The following RBPJ variants were observed in gnomAD, a reference collection of about 807,000 sequenced individuals.
RBPJ encodes recombining binding protein suppressor of hairless.
RBPJ carries 9 observed loss-of-function variants against 67.8 expected under a neutral mutation model. The observed-to-expected ratio is 0.13, with a 90% CI of 0.08 to 0.23. The LOEUF (loss-of-function observed/expected upper bound fraction) is 0.23, where lower values mean the gene tolerates loss of function less well. Ranked by LOEUF, RBPJ falls within the 10% of genes least tolerant of loss-of-function variation. The pLI, the probability that RBPJ is intolerant of heterozygous loss-of-function variation, is 1.00. For synonymous variants in RBPJ, 198 were observed against 203.3 expected, an observed-to-expected ratio of 0.97 and a Z score of 0.22; for missense variants, 305 against 595.6, an observed-to-expected ratio of 0.51 and a Z score of 5.08.
At position 26,251,847 on chromosome 4, in the gene RBPJ, CAAAAAAAAA is replaced by C. The variant is rs769291407; in HGVS notation, c.-167+88250_-167+88258del. Among the ~76,000 whole-genome samples the C allele has an allele frequency of 1.0e-3, 50 of 49,462 alleles. 1 individual carries two copies. Among genetic ancestry groups the C allele is most frequent in the Non-Finnish European group, 8.3e-4 (23 of 27,738 alleles). 32.4% of individuals were successfully genotyped at this position (49,462 alleles called of 152,430 possible). A position where few individuals can be genotyped will look rare whatever the true frequency, so the allele number is the denominator to read the frequency against. On this transcript the variant is annotated intron_variant, in intron 1 of 4. Coordinates refer to the RBPJ transcript ENST00000512351. ...TGGGTGACAGAGCGAGACTCCGTCT[CAAAAAAAAA>C]AAAAAAAAAAAAAAAAGAAGAGGAG...
At chr4:26,109,425 CCTCTCTCTCTCTCTCTCTCTCTCT>C in the RBPJ span, among the ~76,000 whole-genome samples, 1 of 22,892 alleles carries the variant, frequency 4.4e-5, no homozygotes, top group African/African-American at 2.3e-4. Flanking sequence ...TCTCTCTCTC[CCTCTCTCTCTCTCTCTCTCTCTCT>C]CTCTCTCTCT....
the RBPJ span, among the ~76,000 whole-genome samples, chr4:26,125,901 G>C: frequency 6.6e-6 from 1 of 152,086 alleles, no homozygotes; most frequent in African/African-American, 2.4e-5. Context: ...AATGCAGCTG[G>C]AGAGGCAGCA....
chr4:26,178,446 A>T (rs1238136583), intron 1 of RBPJ, among the ~76,000 whole-genome samples: 1 of 152,076 alleles, frequency 6.6e-6, no homozygotes, highest in African/African-American at 2.4e-5. Context: ...GTCTGTACAA[A>T]AATTTTTTTT....
At chr4:26,283,523 C>A (rs777279370) in intron 1 of RBPJ, among the ~76,000 whole-genome samples, 1 of 151,326 alleles carries the variant, frequency 6.6e-6, no homozygotes, top group Non-Finnish European at 1.5e-5. Context: ...CCAGCCTGGG[C>A]TATAGAAGGA....
At chr4:26,386,844 A>T (rs1235407906) in intron 2 of RBPJ, among the ~76,000 whole-genome samples, 1 of 152,232 alleles carries the variant, frequency 6.6e-6, no homozygotes, top group Non-Finnish European at 1.5e-5. Flanking sequence ...TTAATTATGA[A>T]TGTTGAAAGT....
chr4:26,362,364 A>C (rs1184768378), intron 1 of RBPJ: 9 of 747,966 alleles, frequency 1.2e-5, no homozygotes, highest in Non-Finnish European at 1.5e-5. Flanking sequence ...TGTTTTTCTT[A>C]GTCATGGCAG....
chr4:26,181,801 G>A (rs1033395959), intron 1 of RBPJ, among the ~76,000 whole-genome samples: 60 of 152,242 alleles, frequency 3.9e-4, no homozygotes, highest in Admixed American at 2.3e-3. Flanking sequence ...GATAAAAAAT[G>A]GTATACTTGC....
chr4:26,242,446 C>CAAAAA (rs111654269), intron 1 of RBPJ, among the ~76,000 whole-genome samples: 2 of 112,062 alleles, frequency 1.8e-5, no homozygotes, highest in Non-Finnish European at 3.7e-5. Flanking sequence ...GACTCTGTCT[C>CAAAAA]AAAAAAAAAA....
At chr4:26,244,145 GTACACATATATGTATATATATATGTA>G (rs1365180055) in intron 1 of RBPJ, among the ~76,000 whole-genome samples, 17 of 137,448 alleles carry the variant, frequency 1.2e-4, no homozygotes, top group South Asian at 4.6e-4. Flanking sequence ...ATATATATGT[GTACACATATATGTATATATATATGTA>G]TACACATATA....
intron 1 of RBPJ, among the ~76,000 whole-genome samples, chr4:26,298,816 A>G (rs1560250659): frequency 6.6e-6 from 1 of 152,222 alleles, no homozygotes; most frequent in African/African-American, 2.4e-5. Flanking sequence ...GGAAAATCCA[A>G]ATTTTAGAGG....
At chr4:26,107,007 G>A in the RBPJ span, among the ~76,000 whole-genome samples, 1 of 152,208 alleles carries the variant, frequency 6.6e-6, no homozygotes, top group Non-Finnish European at 1.5e-5. Flanking sequence ...AGGAAATGGA[G>A]CCAAGGTTAC....
At chr4:26,107,079 A>G in the RBPJ span, among the ~76,000 whole-genome samples, 960 of 152,336 alleles carry the variant, frequency 6.3e-3, 6 homozygotes, top group African/African-American at 0.021. Context: ...GAGACTGAGA[A>G]TGAGTTGAAA....
intron 1 of RBPJ, among the ~76,000 whole-genome samples, chr4:26,378,372 T>C (rs1396822262): frequency 6.6e-6 from 1 of 152,160 alleles, no homozygotes; most frequent in Non-Finnish European, 1.5e-5. Context: ...AAAAATTCTT[T>C]TTGAGGCCAT....
In RBPJ at chr4:26,183,853, A is replaced by G. The variant is rs376246868; in HGVS notation, c.-167+20239A>G. Among the ~76,000 whole-genome samples the G allele has an allele frequency of 3.9e-5, 6 of 152,132 alleles. 1 individual carries two copies. The East Asian group carries it at 5.8e-4, about 15-fold the overall frequency. ...TGGTGAAATCCCTTTTCTACTAAAAATACAAAAAATTAGCCAAGCACGGAG... is the reference window on the plus strand; with the variant it reads ...TGGTGAAATCCCTTTTCTACTAAAAGTACAAAAAATTAGCCAAGCACGGAG... On this transcript the variant is annotated intron_variant, in intron 1 of 4. Transcript: ENST00000512351.
At chr4:26,406,728 G>A (rs1186283006) in intron 3 of RBPJ, among the ~76,000 whole-genome samples, 1 of 152,226 alleles carries the variant, frequency 6.6e-6, no homozygotes, top group African/African-American at 2.4e-5. Context: ...TTAAGTGCAA[G>A]GGAGAACAAA....
chr4:26,182,450 TA>T (rs983458913), intron 1 of RBPJ, among the ~76,000 whole-genome samples: 1 of 152,154 alleles, frequency 6.6e-6, no homozygotes, highest in Admixed American at 6.5e-5. Context: ...ATCCTTATTC[TA>T]AAAGCTTTTT....
chr4:26,278,491 A>G (rs1310201807), intron 1 of RBPJ, among the ~76,000 whole-genome samples: 1 of 152,218 alleles, frequency 6.6e-6, no homozygotes, highest in African/African-American at 2.4e-5. Flanking sequence ...TATCAGATAA[A>G]ATTGATGTGC....
At chr4:26,421,787 C>CT (rs928718076) in intron 5 of RBPJ, among the ~76,000 whole-genome samples, 3 of 151,864 alleles carry the variant, frequency 2.0e-5, no homozygotes, top group Non-Finnish European at 4.4e-5. Flanking sequence ...AATACATGCC[C>CT]TTTTTTTTGA....
At chr4:26,149,143 A>G in the RBPJ span, among the ~76,000 whole-genome samples, 1 of 152,212 alleles carries the variant, frequency 6.6e-6, no homozygotes, top group African/African-American at 2.4e-5. Context: ...CAGTTTTTCC[A>G]GAGTCATAAG....
Sources: gnomAD v4.1 joint callset for allele counts (sites outside exome capture counted in the v4.1 genomes callset) on GRCh38, gnomAD v4.1.1 for gene constraint, MANE v1.5 for transcripts, NCBI Gene and HGNC (gene_info 2026-07-23, HGNC 2026-07-21) for gene names.